Variants in DGKB observed in about 807,000 individuals in gnomAD.
The protein encoded by DGKB is diacylglycerol kinase beta.
In DGKB, 67 loss-of-function variants were observed where a neutral mutation model predicts 114.3. That is an observed-to-expected ratio of 0.59 (90% CI 0.48 to 0.72). The LOEUF (loss-of-function observed/expected upper bound fraction) is 0.72, where lower values mean the gene tolerates loss of function less well. Ranked by LOEUF, DGKB falls within the 30% of genes least tolerant of loss-of-function variation. The pLI is 0.00. For synonymous variants in DGKB, 398 were observed against 323.1 expected (o/e 1.23, Z -2.49); for missense variants, 907 against 975.2 (o/e 0.93, Z 0.93).
chr7:14,390,057 G>A (rs956055695), intron 21 of DGKB, among the ~76,000 whole-genome samples: 22 of 152,194 alleles, frequency 1.4e-4, no homozygotes, highest in African/African-American at 5.1e-4. Flanking sequence ...CCCTAAGTAA[G>A]GGTGAGGCAG....
At chr7:14,347,912 C>A (rs4721329) in intron 21 of DGKB, among the ~76,000 whole-genome samples, 36,165 of 151,724 alleles carry the variant, frequency 0.24, 4,506 homozygotes, top group Non-Finnish European at 0.27. Flanking sequence ...GTAAATTATA[C>A]CTTAATAAAG....
At chr7:14,718,803 G>A in intron 5 of DGKB, 118 bp from the exon 6 acceptor site, 2 of 737,696 alleles carry the variant, frequency 2.7e-6, no homozygotes, top group Non-Finnish European at 4.4e-6. Flanking sequence ...TTTAGGCATA[G>A]AATAACCAAA....
intron 13 of DGKB, among the ~76,000 whole-genome samples, chr7:14,667,361 G>C (rs1474142901): frequency 1.3e-5 from 2 of 151,972 alleles, no homozygotes; most frequent in Non-Finnish European, 2.9e-5. Flanking sequence ...TGTATTTATA[G>C]AGGTCATTCA....
intron 21 of DGKB, among the ~76,000 whole-genome samples, chr7:14,458,614 A>C (rs1584096807): frequency 1.3e-5 from 2 of 152,292 alleles, no homozygotes; most frequent in East Asian, 3.9e-4. Context: ...ACTCCCTCCC[A>C]TAGCCAAGGG....
chr7:14,497,437 C>A (rs1785470708), intron 20 of DGKB, among the ~76,000 whole-genome samples: 1 of 151,818 alleles, frequency 6.6e-6, no homozygotes, highest in Non-Finnish European at 1.5e-5. Flanking sequence ...CTGTGTTATA[C>A]TTTTGGGATG....
Position 14,804,307 on chromosome 7 carries a change from GT to G in DGKB, c.70+36886del, listed in dbSNP as rs538355500. Among the ~76,000 whole-genome samples the G allele has an allele frequency of 2.6e-3, 387 of 151,424 alleles. 1 individual carries two copies. Among genetic ancestry groups the G allele is most frequent in the African/African-American group, 8.8e-3 (362 of 41,294 alleles). On this transcript the variant is annotated intron_variant, in intron 2 of 25. Coordinates refer to ENST00000402815, the MANE Select transcript of DGKB (RefSeq NM_001350709.2). ...TATCTTTAAAAAACATAGGTAACAT[GT>G]TTTTTTTCTCTAGTCGGTTTTAAGA... is the stretch of plus-strand genomic sequence containing the variant.
intron 1 of DGKB, among the ~76,000 whole-genome samples, chr7:14,961,748 C>T (rs1257056776): frequency 7.2e-5 from 11 of 152,100 alleles, no homozygotes; most frequent in African/African-American, 2.7e-4. Flanking sequence ...TTTATAAAAT[C>T]CAAACTGTGG....
At chr7:14,755,862 C>T (rs1834798106) in intron 3 of DGKB, among the ~76,000 whole-genome samples, 1 of 151,844 alleles carries the variant, frequency 6.6e-6, no homozygotes, top group South Asian at 2.1e-4. Flanking sequence ...TAGAATTGTT[C>T]TTGGGTTGTA....
chr7:14,885,223 G>A (rs1854848976), intron 1 of DGKB, among the ~76,000 whole-genome samples: 1 of 151,894 alleles, frequency 6.6e-6, no homozygotes, highest in Non-Finnish European at 1.5e-5. Context: ...TGCTAACACT[G>A]CAATCACTTA....
At chr7:14,446,298 T>G (rs1048479411) in intron 21 of DGKB, among the ~76,000 whole-genome samples, 2 of 152,170 alleles carry the variant, frequency 1.3e-5, no homozygotes, top group East Asian at 1.9e-4. Context: ...TGGATAGTTA[T>G]GTGCACATCC....
intron 20 of DGKB, among the ~76,000 whole-genome samples, chr7:14,504,082 G>A (rs1264674495): frequency 6.6e-6 from 1 of 152,122 alleles, no homozygotes; most frequent in African/African-American, 2.4e-5. Flanking sequence ...TTTGCATGTA[G>A]GCTGCATTTA....
chr7:14,910,263 AAAGAAAG>A (rs2128243106), intron 1 of DGKB, among the ~76,000 whole-genome samples: 1 of 81,782 alleles, frequency 1.2e-5, no homozygotes, highest in South Asian at 2.9e-4. Flanking sequence ...AGAAAGAAAG[AAAGAAAG>A]AAAGAAAGAA....
chr7:14,883,052 G>C (rs1854481088), intron 1 of DGKB, among the ~76,000 whole-genome samples: 1 of 151,852 alleles, frequency 6.6e-6, no homozygotes, highest in African/African-American at 2.4e-5. Flanking sequence ...GAATAGAAAA[G>C]TTGTGTCATT....
chr7:14,385,165 C>T (rs1009876773), intron 21 of DGKB, among the ~76,000 whole-genome samples: 1 of 152,104 alleles, frequency 6.6e-6, no homozygotes, highest in African/African-American at 2.4e-5. Context: ...CGGACTGACA[C>T]AGTGTTTCAC....
Position 14,718,667 on chromosome 7 carries a change from C to A in DGKB, c.341G>T (p.Gly114Val), listed in dbSNP as rs1042181444. 6.2e-7 allele frequency: 1 copy of A among 1,608,168 alleles called. No homozygotes were observed. The highest frequency in any genetic ancestry group is 1.7e-5 in the Admixed American group (1 of 58,772). ...LLSGGLRMNK[G>V]AITPPRTTSP... ...AGTAGTCCGGGGAGGGGTGATGGCA[C>A]CTTTATTCATTCTCAGACCTGGAAA... Residue 114 changes from glycine to valine, a missense_variant, in exon 6 of 26, where the codon GGT becomes GTT. Gly to Val is a moderately radical substitution (Grantham distance 109). Coordinates refer to ENST00000402815, the MANE Select transcript of DGKB (RefSeq NM_001350709.2).
chr7:14,311,916 C>G (rs1805451903), intron 23 of DGKB, among the ~76,000 whole-genome samples: 1 of 152,084 alleles, frequency 6.6e-6, no homozygotes, highest in Non-Finnish European at 1.5e-5. Context: ...AGTCTAGCAA[C>G]TATAAAAATA....
chr7:14,814,220 CTCTTAAGATATA>C (rs376800303), intron 2 of DGKB: 1 of 152,242 alleles, frequency 6.6e-6, no homozygotes, highest in African/African-American at 2.4e-5. Context: ...AGTGTCTTCT[CTCTTAAGATATA>C]ACCACAAGAA....
intron 1 of DGKB, among the ~76,000 whole-genome samples, chr7:14,926,460 A>G (rs1400254235): frequency 7.4e-6 from 1 of 135,948 alleles, no homozygotes; most frequent in Non-Finnish European, 1.6e-5. Context: ...GAATCTTCCT[A>G]TTTTTTTCTC....
At chr7:14,540,946 G>A (rs1793325480) in intron 20 of DGKB, among the ~76,000 whole-genome samples, 1 of 152,106 alleles carries the variant, frequency 6.6e-6, no homozygotes, top group Non-Finnish European at 1.5e-5. Context: ...CTATGAAAAT[G>A]GTAATCTTCC....
Sources: allele counts gnomAD v4.1 joint callset (sites outside exome capture counted in the v4.1 genomes callset), GRCh38; gene constraint gnomAD v4.1.1; transcripts MANE v1.5; gene names NCBI Gene and HGNC (gene_info 2026-07-23, HGNC 2026-07-21).